ZNF521: variants seen among roughly 807,000 people sequenced by gnomAD.
ZNF521 encodes LYST-interacting protein 3.
ZNF521 carries 14 observed loss-of-function variants against 105.5 expected under a neutral mutation model. The ratio of observed to expected loss-of-function variants is 0.13; its 90% CI spans 0.09 to 0.21. The LOEUF (loss-of-function observed/expected upper bound fraction) is 0.21. Ranked by LOEUF, ZNF521 falls within the 10% of genes least tolerant of loss-of-function variation. The pLI is 1.00. For synonymous variants in ZNF521, 635 were observed against 606.0 expected, an observed-to-expected ratio of 1.05 and a Z score of -0.70; for missense variants, 1,233 against 1,629.7, an observed-to-expected ratio of 0.76 and a Z score of 4.19.
chr18:25,164,132 A>G (rs2144532933), intron 5 of ZNF521, among the ~76,000 whole-genome samples: 1 of 152,340 alleles, frequency 6.6e-6, no homozygotes, highest in Admixed American at 6.5e-5. Context: ...TATTTGTTCT[A>G]GGGTGGTATC....
intron 3 of ZNF521, among the ~76,000 whole-genome samples, chr18:25,238,031 T>C (rs1380267847): frequency 2.0e-5 from 3 of 152,208 alleles, no homozygotes; most frequent in Non-Finnish European, 4.4e-5. Context: ...TAACATGTTA[T>C]AATCTTGTAC....
intron 5 of ZNF521, among the ~76,000 whole-genome samples, chr18:25,175,784 A>C (rs1167647381): frequency 6.6e-6 from 1 of 152,256 alleles, no homozygotes; most frequent in Admixed American, 6.5e-5. Context: ...TTCTTGGATC[A>C]ACGGTTTTGC....
At chr18:25,320,629 G>T (rs1912890330) in intron 3 of ZNF521, among the ~76,000 whole-genome samples, 1 of 152,166 alleles carries the variant, frequency 6.6e-6, no homozygotes, top group Non-Finnish European at 1.5e-5. Flanking sequence ...GAGGGAAGAA[G>T]AGAATAATAA....
At chr18:25,064,530 G>A (rs1348356176) in intron 7 of ZNF521, among the ~76,000 whole-genome samples, 1 of 152,218 alleles carries the variant, frequency 6.6e-6, no homozygotes, top group Non-Finnish European at 1.5e-5. Flanking sequence ...CTGGTTTGGG[G>A]CAAGAATATG....
intron 7 of ZNF521, among the ~76,000 whole-genome samples, chr18:25,086,021 T>G (rs796814795): frequency 7.2e-5 from 11 of 152,170 alleles, no homozygotes; most frequent in African/African-American, 2.2e-4. Context: ...AGACATTTAG[T>G]TTTATAGTCT....
At chr18:25,158,842 G>A (rs540592775) in intron 5 of ZNF521, among the ~76,000 whole-genome samples, 1 of 152,024 alleles carries the variant, frequency 6.6e-6, no homozygotes, top group Admixed American at 6.6e-5. Flanking sequence ...TGTAATCAGA[G>A]CTACTCTGGA....
At chr18:25,322,865 G>A (rs1171552633) in intron 2 of ZNF521, among the ~76,000 whole-genome samples, 1 of 152,148 alleles carries the variant, frequency 6.6e-6, no homozygotes, top group Admixed American at 6.5e-5. Context: ...AAATAATAAT[G>A]AAGTCAACAA....
intron 3 of ZNF521, among the ~76,000 whole-genome samples, chr18:25,258,042 T>G (rs556727801): frequency 6.6e-6 from 1 of 152,302 alleles, no homozygotes; most frequent in South Asian, 2.1e-4. Context: ...GAGGTATACA[T>G]GTAGTATTCC....
rs1305256521 is a variant in ZNF521, at chr18:25,325,400, T to C, written c.41-3213A>G. 7.2e-5 allele frequency among the ~76,000 whole-genome samples: 11 copies of C among 152,286 alleles called. 1 individual carries two copies. The highest frequency in any genetic ancestry group is 2.6e-4 in the African/African-American group (11 of 41,572). ...ATCATAAAAAATAATTGTATTACTC[T>C]GCTAGCCATTCAAACCTCTGACTTC... is the stretch of plus-strand genomic sequence containing the variant. On this transcript the variant is annotated intron_variant, in intron 2 of 7. Coordinates refer to ENST00000361524, the MANE Select transcript of ZNF521 (RefSeq NM_015461.3).
chr18:25,193,880 C>T (rs995824511), intron 5 of ZNF521, among the ~76,000 whole-genome samples: 5 of 151,766 alleles, frequency 3.3e-5, no homozygotes, highest in African/African-American at 1.2e-4. Flanking sequence ...TTCCATTTTG[C>T]ACAAATAAGC....
intron 7 of ZNF521, among the ~76,000 whole-genome samples, chr18:25,087,060 A>C (rs1180782100): frequency 6.6e-6 from 1 of 152,194 alleles, no homozygotes; most frequent in East Asian, 1.9e-4. Context: ...TGATGACATC[A>C]TCTCTCTGAC....
At chr18:25,145,403 C>T (rs1052261666) in intron 5 of ZNF521, among the ~76,000 whole-genome samples, 4 of 152,066 alleles carry the variant, frequency 2.6e-5, no homozygotes, top group African/African-American at 9.7e-5. Flanking sequence ...TTGGTGTTAT[C>T]GATCTATAGT....
At chr18:25,112,721 T>C (rs1177004560) in intron 5 of ZNF521, among the ~76,000 whole-genome samples, 4 of 152,126 alleles carry the variant, frequency 2.6e-5, no homozygotes, top group African/African-American at 9.7e-5. Context: ...CAAGCACATA[T>C]TTTGATATCT....
intron 3 of ZNF521, among the ~76,000 whole-genome samples, chr18:25,300,859 G>A (rs1236980302): frequency 1.3e-5 from 2 of 152,124 alleles, no homozygotes; most frequent in East Asian, 1.9e-4. Context: ...CCTCAAAGAT[G>A]TATACATATT....
chr18:25,192,780 C>A (rs2035840736), intron 5 of ZNF521, among the ~76,000 whole-genome samples: 1 of 151,674 alleles, frequency 6.6e-6, no homozygotes, highest in South Asian at 2.1e-4. Flanking sequence ...CAGCCTGCAT[C>A]ATTTGAAAGA....
chr18:25,262,560 T>C (rs1885677212), intron 3 of ZNF521, among the ~76,000 whole-genome samples: 2 of 152,298 alleles, frequency 1.3e-5, no homozygotes, highest in Middle Eastern at 3.4e-3. Context: ...TTACTGATCA[T>C]CTACTATGAT....
At chr18:25,165,084 AC>A (rs1287108643) in intron 5 of ZNF521, among the ~76,000 whole-genome samples, 1 of 151,928 alleles carries the variant, frequency 6.6e-6, no homozygotes, top group East Asian at 1.9e-4. Flanking sequence ...CACTCTTTTA[AC>A]CCCATATGGT....
rs200959656 is a variant in ZNF521 at position 25,320,180 on chromosome 18, C to CT, written c.220+1827dup. ...TCTATTTGTGTTAAAGGTTAACTTTCTTTTTTTTTGAGACAGAGTTTCGTT... is the reference window on the plus strand; with the variant it reads ...TCTATTTGTGTTAAAGGTTAACTTTCTTTTTTTTTTGAGACAGAGTTTCGTT... On this transcript the variant is annotated intron_variant, in intron 3 of 7. Transcript: ENST00000361524. Among the ~76,000 whole-genome samples the CT allele has an allele frequency of 4.8e-4, 73 of 150,996 alleles. No individual in the cohort carries two copies. In the East Asian group the frequency reaches 0.012, roughly 24 times the overall value.
intron 4 of ZNF521, among the ~76,000 whole-genome samples, chr18:25,199,025 G>C (rs2035947632): frequency 6.6e-6 from 1 of 151,832 alleles, no homozygotes; most frequent in Non-Finnish European, 1.5e-5. Context: ...CTCTTAATGA[G>C]TTGCAATATG....
Sources: allele counts gnomAD v4.1 joint callset (sites outside exome capture counted in the v4.1 genomes callset), GRCh38; gene constraint gnomAD v4.1.1; transcripts MANE v1.5; gene names NCBI Gene and HGNC (gene_info 2026-07-23, HGNC 2026-07-21).